KCNK2: variants seen among roughly 807,000 people sequenced by gnomAD.
KCNK2 encodes the protein potassium channel subfamily K member 2.
KCNK2 carries 21 observed loss-of-function variants against 40.5 expected under a neutral mutation model. The ratio of observed to expected loss-of-function variants is 0.52; its 90% CI spans 0.37 to 0.75. The LOEUF is 0.75. KCNK2 is among the 30% of genes least tolerant of loss of function. The pLI is 0.00. For missense variants in KCNK2, 399 were observed against 531.6 expected, an observed-to-expected ratio of 0.75 and a Z score of 2.45; for synonymous variants, 191 against 202.2, an observed-to-expected ratio of 0.94 and a Z score of 0.47.
At chr1:215,075,772 T>C (rs1558078629) in intron 1 of KCNK2, among the ~76,000 whole-genome samples, 1 of 152,194 alleles carries the variant, frequency 6.6e-6, no homozygotes, top group Non-Finnish European at 1.5e-5. Context: ...AGCCCAGGTT[T>C]TCAGCACTGC....
chr1:215,206,621 G>A (rs866313700), intron 6 of KCNK2, among the ~76,000 whole-genome samples: 1 of 152,148 alleles, frequency 6.6e-6, no homozygotes, highest in African/African-American at 2.4e-5. Flanking sequence ...ACAGACCAAT[G>A]TGTTGCATCT....
intron 2 of KCNK2, among the ~76,000 whole-genome samples, chr1:215,093,423 ATT>A (rs1189275233): frequency 7.6e-6 from 1 of 131,288 alleles, no homozygotes. Flanking sequence ...TATAATATAT[ATT>A]ATGTACATAT....
chr1:215,044,956 G>A (rs1657713866), intron 1 of KCNK2, among the ~76,000 whole-genome samples: 1 of 152,102 alleles, frequency 6.6e-6, no homozygotes, highest in Admixed American at 6.5e-5. Context: ...GGATCACGAG[G>A]TCAGGAGATC....
chr1:215,012,746 G>T (rs922349253), intron 1 of KCNK2, among the ~76,000 whole-genome samples: 1 of 142,280 alleles, frequency 7.0e-6, no homozygotes, highest in Non-Finnish European at 1.5e-5. Flanking sequence ...CTTCCTTATT[G>T]TTGGTTTTGA....
chr1:215,155,283 T>G (rs1228893123), intron 3 of KCNK2, among the ~76,000 whole-genome samples: 1 of 90,092 alleles, frequency 1.1e-5, no homozygotes, highest in Non-Finnish European at 2.2e-5. Flanking sequence ...TTGTTTTCAT[T>G]CATTAATTTG....
rs1010531078 is a variant in KCNK2, at chr1:215,235,271, A to G, written c.*126A>G. ...AAGGGGGAACAAAATAGATACACCC[A>G]TCATGGTCATCTATCATCAAGAGAA... On this transcript the variant is annotated 3_prime_UTR_variant, in exon 7 of 7. Coordinates refer to ENST00000444842, the MANE Select transcript of KCNK2 (RefSeq NM_001017425.3). 2 of 698,594 alleles carry G rather than the reference A, an allele frequency of 2.9e-6. No homozygotes were observed. The highest frequency in any genetic ancestry group is 1.8e-5 in the African/African-American group (1 of 56,094). 43.3% of individuals were successfully genotyped at this position (698,594 alleles called of 1,614,324 possible).
At chr1:215,112,225 A>G (rs996599773) in intron 2 of KCNK2, among the ~76,000 whole-genome samples, 34 of 152,048 alleles carry the variant, frequency 2.2e-4, no homozygotes, top group African/African-American at 8.0e-4. Context: ...CTCCCCTGGG[A>G]GAAACCCAGT....
intron 5 of KCNK2, among the ~76,000 whole-genome samples, chr1:215,175,432 C>T (rs1663919394): frequency 6.9e-6 from 1 of 144,316 alleles, no homozygotes; most frequent in South Asian, 2.2e-4. Context: ...ATTTTTGATA[C>T]CAAATGTCTG....
chr1:215,214,459 A>G lies in KCNK2; in HGVS notation c.963+19367A>G, dbSNP rs1171473395. ...TTGGGTGGGGATACATACCCAAACC[A>G]TATCAGCATCCATGAATAGCGTCAT... On this transcript the variant is annotated intron_variant, in intron 6 of 6. Transcript: ENST00000444842. 3.3e-5 allele frequency among the ~76,000 whole-genome samples: 5 copies of G among 152,312 alleles called. 1 individual carries two copies. The South Asian group carries it at 6.2e-4, about 19-fold the overall frequency.
intron 6 of KCNK2, among the ~76,000 whole-genome samples, chr1:215,213,335 G>A (rs1012416237): frequency 2.0e-5 from 3 of 152,148 alleles, no homozygotes; most frequent in Non-Finnish European, 2.9e-5. Flanking sequence ...TGGGCTGGGC[G>A]CAGTGGCTCA....
intron 1 of KCNK2, among the ~76,000 whole-genome samples, chr1:215,053,558 G>A (rs1168217977): frequency 6.6e-6 from 1 of 152,110 alleles, no homozygotes; most frequent in East Asian, 1.9e-4. Flanking sequence ...AATTCCTCTG[G>A]AAAAGTGATA....
chr1:215,093,377 A>T (rs1010475315), intron 2 of KCNK2, among the ~76,000 whole-genome samples: 1 of 139,204 alleles, frequency 7.2e-6, no homozygotes, highest in African/African-American at 2.7e-5. Flanking sequence ...TATATATAAA[A>T]TATACATATA....
intron 6 of KCNK2, among the ~76,000 whole-genome samples, chr1:215,220,798 A>G (rs1376186840): frequency 1.5e-5 from 2 of 132,930 alleles, no homozygotes; most frequent in African/African-American, 6.2e-5. Context: ...TAATGAATGC[A>G]TATTATGGCA....
At chr1:215,177,682 T>C (rs75259283) in intron 5 of KCNK2, among the ~76,000 whole-genome samples, 6,188 of 148,790 alleles carry the variant, frequency 0.042, 185 homozygotes, top group Middle Eastern at 0.089. Context: ...GGTTTATTTC[T>C]GGGTTCTCTA....
intron 2 of KCNK2, 23 bp from the exon 3 acceptor site, chr1:215,124,610 T>A (rs759863551): frequency 7.2e-7 from 1 of 1,397,362 alleles, no homozygotes. Flanking sequence ...TGTGTACTGA[T>A]AAATTTCTTT....
intron 3 of KCNK2, among the ~76,000 whole-genome samples, chr1:215,151,429 C>T (rs567639480): frequency 9.2e-4 from 140 of 152,036 alleles, no homozygotes; most frequent in Non-Finnish European, 1.6e-3. Flanking sequence ...CTGTCCAATA[C>T]CATATTGTCT....
At chr1:215,161,739 C>G (rs1663205411) in intron 3 of KCNK2, among the ~76,000 whole-genome samples, 1 of 152,136 alleles carries the variant, frequency 6.6e-6, no homozygotes, top group African/African-American at 2.4e-5. Flanking sequence ...ATCCATATCC[C>G]TGCAAAGGAC....
intron 3 of KCNK2, among the ~76,000 whole-genome samples, chr1:215,131,207 TG>T (rs1406041840): frequency 4.6e-5 from 7 of 151,460 alleles, no homozygotes; most frequent in Non-Finnish European, 8.8e-5. Flanking sequence ...AGTTAAACTA[TG>T]GGAAAGGCAG....
At chr1:215,234,589 A>G (rs1666801074) in intron 6 of KCNK2, among the ~76,000 whole-genome samples, 1 of 152,172 alleles carries the variant, frequency 6.6e-6, no homozygotes, top group Non-Finnish European at 1.5e-5. Context: ...AGCCCCTGAA[A>G]TATTGTTTGA....
Sources: allele counts gnomAD v4.1 joint callset (sites outside exome capture counted in the v4.1 genomes callset), GRCh38; gene constraint gnomAD v4.1.1; transcripts MANE v1.5; gene names NCBI Gene and HGNC (gene_info 2026-07-23, HGNC 2026-07-21).